MCTP2: variants seen among roughly 807,000 people sequenced by gnomAD.
MCTP2 encodes multiple C2 and transmembrane domain-containing protein 2.
In MCTP2, 132 loss-of-function variants were observed where a neutral mutation model predicts 111.6. That is an observed-to-expected ratio of 1.18 (90% CI 1.03 to 1.37). The LOEUF (loss-of-function observed/expected upper bound fraction) is 1.37. Ranked by LOEUF, MCTP2 falls within the 40% of genes most tolerant of loss-of-function variation. MCTP2 has a pLI of 0.00. For missense variants in MCTP2, 1,183 were observed against 1,067.9 expected (o/e 1.11, Z -1.50); for synonymous variants, 395 against 387.7 (o/e 1.02, Z -0.22).
intron 8 of MCTP2, among the ~76,000 whole-genome samples, chr15:94,351,700 T>TACTTCTC (rs781240064): frequency 7.0e-4 from 107 of 152,224 alleles, no homozygotes; most frequent in Non-Finnish European, 1.4e-3. Context: ...TGCCTTTTCT[T>TACTTCTC]ACTTCTCTCT....
At chr15:94,442,218 C>G (rs934663280) in intron 18 of MCTP2, among the ~76,000 whole-genome samples, 1 of 152,064 alleles carries the variant, frequency 6.6e-6, no homozygotes, top group Non-Finnish European at 1.5e-5. Context: ...GATTATGTAC[C>G]AACAGATATT....
At chr15:94,403,644 G>A (rs1217468585) in intron 17 of MCTP2, among the ~76,000 whole-genome samples, 2 of 152,170 alleles carry the variant, frequency 1.3e-5, no homozygotes, top group South Asian at 2.1e-4. Context: ...AATAGAAATA[G>A]GTTGTCTAAT....
chr15:94,266,775 A>G (rs1042862421), intron 1 of MCTP2, among the ~76,000 whole-genome samples: 1 of 152,240 alleles, frequency 6.6e-6, no homozygotes, highest in Non-Finnish European at 1.5e-5. Context: ...CCGTCTTGCC[A>G]TATAAAAGGA....
At chr15:94,424,229 T>C (rs749984459) in intron 17 of MCTP2, among the ~76,000 whole-genome samples, 49 of 152,330 alleles carry the variant, frequency 3.2e-4, no homozygotes, top group Non-Finnish European at 5.7e-4. Flanking sequence ...GTATAGCGTA[T>C]AGCTGTATGA....
chr15:94,423,474 G>C (rs2152495475), intron 17 of MCTP2, among the ~76,000 whole-genome samples: 1 of 152,238 alleles, frequency 6.6e-6, no homozygotes, highest in South Asian at 2.1e-4. Context: ...AAGTACAACA[G>C]AACAGTTAAG....
intron 16 of MCTP2, among the ~76,000 whole-genome samples, chr15:94,400,776 T>C (rs1191770795): frequency 1.3e-5 from 2 of 152,024 alleles, no homozygotes; most frequent in African/African-American, 2.4e-5. Context: ...TCCTTTGGGG[T>C]GAGCAGCTGT....
Position 94,244,807 on chromosome 15 carries a change from C to T in MCTP2, c.-66+13143C>T, listed in dbSNP as rs28971639. 4.0e-3 allele frequency among the ~76,000 whole-genome samples: 478 copies of T among 119,134 alleles called. 42 individuals are homozygous for T. Among genetic ancestry groups the T allele is most frequent in the Non-Finnish European group, 4.5e-3 (256 of 56,804 alleles). The allele number at this position is 119,134 out of a possible 152,430, so 78.2% of individuals were successfully genotyped here. ...ATACATATGCACGTATGTTTATATA[C>T]GTATATGTATACACATATGCACCTA... is the stretch of plus-strand genomic sequence containing the variant. On this transcript the variant is annotated intron_variant, in intron 1 of 22. Coordinates refer to ENST00000357742, the MANE Select transcript of MCTP2 (RefSeq NM_001385001.1).
At chr15:94,266,722 C>G (rs1055276247) in intron 1 of MCTP2, among the ~76,000 whole-genome samples, 3 of 152,170 alleles carry the variant, frequency 2.0e-5, no homozygotes, top group Non-Finnish European at 4.4e-5. Flanking sequence ...AAAGGCCAGA[C>G]TCACTTTTCT....
chr15:94,264,384 G>T (rs933827278), intron 1 of MCTP2, among the ~76,000 whole-genome samples: 1 of 152,056 alleles, frequency 6.6e-6, no homozygotes, highest in Non-Finnish European at 1.5e-5. Flanking sequence ...CGAGGCGGGT[G>T]GATCACGAGG....
In MCTP2 at chr15:94,370,053, C is replaced by G. The variant is rs780563801; in HGVS notation, c.1489-34C>G. 19 of 1,471,504 alleles carry G rather than the reference C, an allele frequency of 1.3e-5. No individual in the cohort carries two copies. The Admixed American group carries it at 2.7e-4, about 21-fold the overall frequency. The allele number at this position is 1,471,504 out of a possible 1,614,324, so 91.2% of individuals were successfully genotyped here. ...TGACATTAAGTAGTATATTAAAAAG[C>G]TGTTTTCACTTGTATCACCTTTTCA... On this transcript the variant is annotated intron_variant, in intron 11 of 22. Transcript: ENST00000357742.
chr15:94,406,630 C>T (rs758102299), intron 17 of MCTP2, among the ~76,000 whole-genome samples: 2 of 152,156 alleles, frequency 1.3e-5, no homozygotes, highest in Non-Finnish European at 2.9e-5. Flanking sequence ...TGGAAATGCC[C>T]AGCCCCTGGG....
At chr15:94,282,852 G>C (rs1369325689) in intron 1 of MCTP2, among the ~76,000 whole-genome samples, 1 of 152,128 alleles carries the variant, frequency 6.6e-6, no homozygotes, top group Non-Finnish European at 1.5e-5. Context: ...CTTATCATTG[G>C]GGGCTGGAAA....
intron 1 of MCTP2, among the ~76,000 whole-genome samples, chr15:94,242,414 T>C (rs539095669): frequency 1.8e-4 from 28 of 152,280 alleles, no homozygotes; most frequent in Admixed American, 1.8e-3. Context: ...TTCTTCGTAA[T>C]AAGCAAACCT....
In MCTP2 at chr15:94,482,192, AAGCAAC is replaced by A. The variant is rs1342558040; in HGVS notation, c.*3163_*3168del. The A allele has an allele frequency of 6.6e-6, 1 of 152,244 alleles. No individual in the cohort carries two copies. The highest frequency in any genetic ancestry group is 2.4e-5 in the African/African-American group (1 of 41,468). The allele number at this position is 152,244 out of a possible 1,614,324, so 9.4% of individuals were successfully genotyped here. A position where few individuals can be genotyped will look rare whatever the true frequency, so the allele number is the denominator to read the frequency against. On this transcript the variant is annotated 3_prime_UTR_variant, in exon 23 of 23. Coordinates refer to ENST00000357742, the MANE Select transcript of MCTP2 (RefSeq NM_001385001.1). ...AGCCAGACATTAAACAGATACTTTC[AAGCAAC>A]AGCATGCCATGCTCAGATTTAAGTT...
chr15:94,371,324 C>G (rs2152439114), intron 12 of MCTP2, among the ~76,000 whole-genome samples: 1 of 152,250 alleles, frequency 6.6e-6, no homozygotes, highest in South Asian at 2.1e-4. Context: ...TGTTTGTAAT[C>G]TCATGTTAAT....
chr15:94,407,386 C>A (rs951760922), intron 17 of MCTP2, among the ~76,000 whole-genome samples: 1 of 152,134 alleles, frequency 6.6e-6, no homozygotes, highest in Non-Finnish European at 1.5e-5. Flanking sequence ...TTGATGGATT[C>A]TTTGCTTTAT....
rs201932443 is a variant in MCTP2, at chr15:94,298,222, G to C, written c.-44G>C. 3.8e-4 allele frequency: 546 copies of C among 1,432,588 alleles called. 11 individuals carry two copies. In the South Asian group the frequency reaches 6.5e-3, roughly 17 times the overall value. 88.7% of individuals were successfully genotyped at this position (1,432,588 alleles called of 1,614,324 possible). ...ATAGGAGTCATTGCAGTTTTCAGTAGAGGTGTACTTCTGAGAAGTGGCTTC... is the reference window on the plus strand; with the variant it reads ...ATAGGAGTCATTGCAGTTTTCAGTACAGGTGTACTTCTGAGAAGTGGCTTC... On this transcript the variant is annotated 5_prime_UTR_variant, in exon 2 of 23. Transcript: ENST00000357742.
At position 94,298,609 on chromosome 15, in the gene MCTP2, T is replaced by A. The variant is rs377416363; in HGVS notation, c.344T>A (p.Val115Glu). ...WSQEEASHLH[V>E]VETDSEEAYA... is the part of the protein sequence containing the mutation. ...CAGGAAGAAGCCAGTCACCTCCATG[T>A]GGTGGAAACAGACTCAGAGGAGGCC... is the stretch of plus-strand genomic sequence containing the variant. Residue 115 changes from valine (V) to glutamate (E), a missense_variant, in exon 2 of 23, where the codon GTG becomes GAG. Val to Glu is a moderately radical substitution (Grantham distance 121, BLOSUM62 -2). Transcript: ENST00000357742. The A allele has an allele frequency of 6.2e-7, 1 of 1,613,984 alleles. No homozygotes were observed. The highest frequency in any genetic ancestry group is 1.3e-5 in the African/African-American group (1 of 74,940).
intron 7 of MCTP2, 149 bp from the exon 8 acceptor site, chr15:94,344,980 A>G: frequency 2.3e-6 from 2 of 855,792 alleles, no homozygotes; most frequent in African/African-American, 1.7e-5. Context: ...TCTTGCTCAA[A>G]TATGCTTTCT....
Sources: allele counts gnomAD v4.1 joint callset (sites outside exome capture counted in the v4.1 genomes callset), GRCh38; gene constraint gnomAD v4.1.1; transcripts MANE v1.5; gene names NCBI Gene and HGNC (gene_info 2026-07-23, HGNC 2026-07-21).